TRAF5: variants seen among roughly 807,000 people sequenced by gnomAD.
The protein encoded by TRAF5 is TNF receptor-associated factor 5.
Under a neutral mutation model 64.5 loss-of-function variants are expected in TRAF5, and 48 were observed. The observed-to-expected ratio is 0.74, with a 90% CI of 0.59 to 0.95. The LOEUF (loss-of-function observed/expected upper bound fraction) is 0.95, where lower values mean the gene tolerates loss of function less well. Among genes scored for constraint, TRAF5 ranks in the 40% least tolerant of loss-of-function variants. The pLI, the probability that TRAF5 is intolerant of heterozygous loss-of-function variation, is 0.00. For missense variants in TRAF5, 545 were observed against 662.8 expected (o/e 0.82, Z 1.95); for synonymous variants, 206 against 240.5 (o/e 0.86, Z 1.33).
At chr1:211,369,299 A>G (rs961519654) in intron 8 of TRAF5, 153 bp from the exon 9 acceptor site, 1 of 682,504 alleles carries the variant, frequency 1.5e-6, no homozygotes, top group African/African-American at 1.9e-5. Context: ...TCCTATAATT[A>G]TGTAGGAATC....
intron 2 of TRAF5, 29 bp downstream of exon 2, chr1:211,353,486 C>T (rs1222822605): frequency 6.3e-6 from 10 of 1,593,096 alleles, no homozygotes; most frequent in Middle Eastern, 2.1e-4. Context: ...CAACTCTGGC[C>T]ATGGCAGTCC....
chr1:211,371,130 A>T (rs1032635409), intron 9 of TRAF5, among the ~76,000 whole-genome samples, 172 bp from the exon 10 acceptor site: 3 of 152,208 alleles, frequency 2.0e-5, no homozygotes, highest in African/African-American at 7.2e-5. Flanking sequence ...GAAGATAATT[A>T]GGTGGCTCAT....
In TRAF5 at chr1:211,372,332, C is replaced by G; in HGVS notation, c.1304C>G (p.Thr435Ser). 1 of 1,614,132 alleles carries G rather than the reference C, an allele frequency of 6.2e-7. No individual in the cohort carries two copies. Among genetic ancestry groups the G allele is most frequent in the Non-Finnish European group, 8.5e-7 (1 of 1,180,036 alleles). The change falls in exon 11 of 11, where the codon ACC becomes AGC. Residue 435 changes from threonine (T) to serine (S), a missense_variant. Thr to Ser is a moderately conservative substitution (Grantham distance 58). Transcript: ENST00000261464. ...TVSIFSQSFYTSRCGYRLCAR... is the reference protein window; with the variant it reads ...TVSIFSQSFYSSRCGYRLCAR... Reference sequence around the variant, plus strand: ...TCCATCTTCAGCCAGTCCTTCTACACCAGCCGCTGTGGCTACCGGCTCTGT... The same window carrying G: ...TCCATCTTCAGCCAGTCCTTCTACAGCAGCCGCTGTGGCTACCGGCTCTGT...
At chr1:211,344,352 G>T (rs1309212413) in intron 1 of TRAF5, among the ~76,000 whole-genome samples, 1 of 152,134 alleles carries the variant, frequency 6.6e-6, no homozygotes, top group Non-Finnish European at 1.5e-5. Context: ...TGTTTGTCCT[G>T]TTCCCAAGAC....
chr1:211,343,280 G>C (rs181966510), intron 1 of TRAF5, among the ~76,000 whole-genome samples: 1 of 152,212 alleles, frequency 6.6e-6, no homozygotes, highest in African/African-American at 2.4e-5. Context: ...AGTTCATGCT[G>C]GTAATTGTCA....
intron 8 of TRAF5, 87 bp downstream of exon 8, chr1:211,365,555 C>A: frequency 9.3e-7 from 1 of 1,080,634 alleles, no homozygotes; most frequent in South Asian, 1.5e-5. Context: ...CTATTCTCCC[C>A]TGTTTCAGTA....
At chr1:211,333,744 G>T (rs563980480) in intron 1 of TRAF5, among the ~76,000 whole-genome samples, 1 of 151,684 alleles carries the variant, frequency 6.6e-6, no homozygotes, top group Non-Finnish European at 1.5e-5. Context: ...TGATCTGCCC[G>T]TCTTGGCCTC....
intron 8 of TRAF5, among the ~76,000 whole-genome samples, chr1:211,365,975 T>C (rs1233251385): frequency 6.6e-6 from 1 of 152,240 alleles, no homozygotes; most frequent in African/African-American, 2.4e-5. Flanking sequence ...TGCAACCCAA[T>C]AAATGCATAC....
intron 1 of TRAF5, among the ~76,000 whole-genome samples, chr1:211,352,901 G>A (rs904428722): frequency 5.3e-5 from 8 of 152,132 alleles, no homozygotes; most frequent in Non-Finnish European, 1.2e-4. Context: ...TACTTATAAT[G>A]TAATTAACAC....
At chr1:211,368,479 C>T (rs559263227) in intron 8 of TRAF5, among the ~76,000 whole-genome samples, 1 of 152,232 alleles carries the variant, frequency 6.6e-6, no homozygotes, top group Non-Finnish European at 1.5e-5. Flanking sequence ...AGTTCCAGCT[C>T]CCATGGAACT....
In TRAF5 at chr1:211,360,729, T is replaced by TAC. The variant is rs1703148856; in HGVS notation, c.572_573dup (p.Pro192ThrfsTer14). On this transcript the variant is annotated frameshift_variant, in exon 6 of 11. Transcript: ENST00000261464. LOFTEE classifies it high-confidence loss of function. ...TCATGAGGAAAACTTGTGTCCTGAA[T>TAC]ACCCAGTATTTTGTCCCAACAATTG... The TAC allele has an allele frequency of 6.2e-7, 1 of 1,613,932 alleles. No homozygotes were observed. The highest frequency in any genetic ancestry group is 8.5e-7 in the Non-Finnish European group (1 of 1,179,954).
chr1:211,360,686 ACTTTCT>A lies in TRAF5; in HGVS notation c.544-13_544-8del, dbSNP rs1703147364. ...GAAAGACAACCCTTTGTTTTATTGC[ACTTTCT>A]CTATTTCAGAATCATGAGGAAAACT... On this transcript the variant is annotated splice_polypyrimidine_tract_variant and intron_variant, in intron 5 of 10. Transcript: ENST00000261464. The A allele has an allele frequency of 6.2e-7, 1 of 1,606,292 alleles. No individual in the cohort carries two copies. Among genetic ancestry groups the A allele is most frequent in the Admixed American group, 1.7e-5 (1 of 59,968 alleles).
intron 1 of TRAF5, among the ~76,000 whole-genome samples, chr1:211,336,160 C>G (rs1373817562): frequency 6.6e-6 from 1 of 152,186 alleles, no homozygotes; most frequent in Non-Finnish European, 1.5e-5. Flanking sequence ...AGGACTCTGG[C>G]AAATGGGATT....
chr1:211,372,655 C>G lies in TRAF5; in HGVS notation c.1627C>G (p.Leu543Val), dbSNP rs1211572129. ...AKNAYIKDDT[L>V]FLKVAVDLTD... ...GAACGCCTACATTAAAGATGACACT[C>G]TGTTCTTGAAAGTGGCCGTGGACTT... Residue 543 changes from leucine (L) to valine (V), a missense_variant, in exon 11 of 11, where the codon CTG becomes GTG. Coordinates refer to ENST00000261464, the MANE Select transcript of TRAF5 (RefSeq NM_001033910.3). 6.2e-7 allele frequency: 1 copy of G among 1,614,182 alleles called. No homozygotes were observed. The highest frequency in any genetic ancestry group is 1.3e-5 in the African/African-American group (1 of 75,056).
chr1:211,353,658 C>T (rs758217643), intron 2 of TRAF5: 186 of 603,090 alleles, frequency 3.1e-4, no homozygotes, highest in South Asian at 2.6e-3. Context: ...CAGATATTTA[C>T]CTTTTCTTAA....
chr1:211,365,619 GATTATAGA>G (rs1703328611), intron 8 of TRAF5, 151 bp downstream of exon 8: 1 of 586,468 alleles, frequency 1.7e-6, no homozygotes, highest in African/African-American at 1.9e-5. Flanking sequence ...AGGCTCATAG[GATTATAGA>G]ACATTAGAAT....
intron 8 of TRAF5, among the ~76,000 whole-genome samples, chr1:211,366,019 A>T (rs768722999): frequency 9.9e-5 from 15 of 152,228 alleles, no homozygotes; most frequent in Non-Finnish European, 1.6e-4. Flanking sequence ...GTGATTATCA[A>T]GGGAAATTAT....
intron 1 of TRAF5, among the ~76,000 whole-genome samples, chr1:211,347,524 A>G (rs1253132064): frequency 2.0e-5 from 3 of 152,238 alleles, no homozygotes; most frequent in African/African-American, 7.2e-5. Flanking sequence ...CAAATAGTGG[A>G]CAAGACAATA....
intron 2 of TRAF5, 81 bp downstream of exon 2, chr1:211,353,538 G>T: frequency 7.1e-7 from 1 of 1,402,160 alleles, no homozygotes; most frequent in South Asian, 1.2e-5. Flanking sequence ...CTGTTTTCAT[G>T]GGTTTTGGAG....
Sources: allele counts gnomAD v4.1 joint callset (sites outside exome capture counted in the v4.1 genomes callset), GRCh38; gene constraint gnomAD v4.1.1; transcripts MANE v1.5; gene names NCBI Gene and HGNC (gene_info 2026-07-23, HGNC 2026-07-21).